The following UHRF1 variants were observed in gnomAD, a reference collection of about 807,000 sequenced individuals.
UHRF1 encodes the protein ubiquitin like with PHD and ring finger domains 1, also known as E3 ubiquitin-protein ligase UHRF1.
A neutral mutation model predicts 96.5 loss-of-function variants in UHRF1; 9 were observed. That is an observed-to-expected ratio of 0.09 (90% CI 0.06 to 0.16). The LOEUF (loss-of-function observed/expected upper bound fraction) is 0.16, where lower values mean the gene tolerates loss of function less well. Among genes scored for constraint, UHRF1 ranks in the 10% least tolerant of loss-of-function variants. UHRF1 has a pLI of 1.00. For missense variants in UHRF1, 626 were observed against 1,131.1 expected, an observed-to-expected ratio of 0.55 and a Z score of 6.40; for synonymous variants, 455 against 469.9, an observed-to-expected ratio of 0.97 and a Z score of 0.41.
chr19:4,941,544 G>A lies in UHRF1; in HGVS notation c.802G>A (p.Asp268Asn), dbSNP rs1172511762. The change falls in exon 6 of 17, where the codon GAC becomes AAC. Residue 268 changes from aspartate to asparagine, a missense_variant. This residue lies in a region of UHRF1 where 198 missense variants were observed against 235.1 expected (regional missense o/e 0.84). Transcript: ENST00000650932. ...TCCTTGCAGGGATGATTCTCTGAACGACTGTCGGATCATCTTCGTGGACGA... is the reference window on the plus strand; with the variant it reads ...TCCTTGCAGGGATGATTCTCTGAACAACTGTCGGATCATCTTCGTGGACGA... ...NVVLGDDSLN[D>N]CRIIFVDEVF... The A allele has an allele frequency of 1.2e-6, 2 of 1,613,386 alleles. No individual in the cohort carries two copies. Among genetic ancestry groups the A allele is most frequent in the South Asian group, 1.1e-5 (1 of 90,926 alleles).
At chr19:4,920,378 G>C (rs1421491790) in intron 2 of UHRF1, among the ~76,000 whole-genome samples, 1 of 152,068 alleles carries the variant, frequency 6.6e-6, no homozygotes, top group African/African-American at 2.4e-5. Flanking sequence ...GTTGCAGTGA[G>C]CTGAGATTGC....
In UHRF1 at chr19:4,954,806, C is replaced by T. The variant is rs1436024612; in HGVS notation, c.2114C>T (p.Pro705Leu). 1.2e-5 allele frequency: 19 copies of T among 1,613,526 alleles called. No homozygotes were observed. Among genetic ancestry groups the T allele is most frequent in the Non-Finnish European group, 1.4e-5 (16 of 1,179,770 alleles). Residue 705 changes from proline to leucine, a missense_variant, in exon 15 of 17, where the codon CCG (proline) becomes CTG (leucine). By Grantham distance (98) the Pro-to-Leu change is moderately conservative. This residue lies in a region of UHRF1 where 84 missense variants were observed against 150.3 expected (regional missense o/e 0.56). Coordinates refer to ENST00000650932, the MANE Select transcript of UHRF1 (RefSeq NM_001048201.3). This position sits in a 1 kb window ranked among gnomAD's most constrained non-coding sequence, Gnocchi z 5.9. Reference sequence around the variant, plus strand: ...GTCCTGGCGTCACTCAAGGACCGGCCGGCGAGCGGCAGCCCGGTAGGCTCG... The same window carrying T: ...GTCCTGGCGTCACTCAAGGACCGGCTGGCGAGCGGCAGCCCGGTAGGCTCG... Reference protein sequence around the residue: ...NEVLASLKDRPASGSPFQLFL... With the variant: ...NEVLASLKDRLASGSPFQLFL...
upstream of UHRF1, among the ~76,000 whole-genome samples, chr19:4,908,967 A>T (rs1372945709): frequency 6.6e-6 from 1 of 152,096 alleles, no homozygotes; most frequent in Non-Finnish European, 1.5e-5. Flanking sequence ...AAGGCGGGAA[A>T]ACGAGGCGGG....
At chr19:4,921,620 A>G (rs888660778) in intron 2 of UHRF1, among the ~76,000 whole-genome samples, 2 of 151,840 alleles carry the variant, frequency 1.3e-5, no homozygotes, top group Non-Finnish European at 2.9e-5. Flanking sequence ...TCTGGACGTG[A>G]TGGCCCATGC....
chr19:4,917,642 G>C (rs1212648530), intron 2 of UHRF1, among the ~76,000 whole-genome samples: 1 of 114,730 alleles, frequency 8.7e-6, no homozygotes, highest in Non-Finnish European at 1.6e-5. Context: ...AACAGAGCGA[G>C]ACTCCGTCTC....
chr19:4,958,011 C>A (rs1411273756), intron 16 of UHRF1, among the ~76,000 whole-genome samples: 1 of 152,260 alleles, frequency 6.6e-6, no homozygotes, highest in East Asian at 1.9e-4. Context: ...GCAGTCCTCT[C>A]AGCCATGGGC....
intron 5 of UHRF1, among the ~76,000 whole-genome samples, chr19:4,939,646 GT>G (rs2146353745): frequency 6.6e-6 from 1 of 152,242 alleles, no homozygotes; most frequent in Non-Finnish European, 1.5e-5. Context: ...AGGTCAGTGT[GT>G]TCCCACACTG....
chr19:4,959,238 G>A (rs1382854875), intron 16 of UHRF1, among the ~76,000 whole-genome samples: 2 of 150,440 alleles, frequency 1.3e-5, no homozygotes, highest in African/African-American at 2.4e-5. Flanking sequence ...GCTGAGACAC[G>A]AGAATCCCTT....
chr19:4,948,715 C>T (rs1313762313), intron 11 of UHRF1, among the ~76,000 whole-genome samples: 1 of 151,780 alleles, frequency 6.6e-6, no homozygotes, highest in Non-Finnish European at 1.5e-5. Flanking sequence ...GGCAGAATTG[C>T]TTGAACCCAG....
chr19:4,935,563 T>A (rs1175929042), intron 5 of UHRF1, among the ~76,000 whole-genome samples: 1 of 151,874 alleles, frequency 6.6e-6, no homozygotes, highest in Non-Finnish European at 1.5e-5. Flanking sequence ...TTTTTTAACT[T>A]GGTTCTTGGA....
At chr19:4,915,619 G>A (rs1373176372) in intron 2 of UHRF1, among the ~76,000 whole-genome samples, 1 of 152,020 alleles carries the variant, frequency 6.6e-6, no homozygotes, top group African/African-American at 2.4e-5. Flanking sequence ...TGAGGCAGGA[G>A]AATCGCTTGA....
At chr19:4,924,888 G>A (rs529641550) in intron 2 of UHRF1, among the ~76,000 whole-genome samples, 3 of 150,746 alleles carry the variant, frequency 2.0e-5, no homozygotes, top group Admixed American at 6.6e-5. Flanking sequence ...ATGTAGTGGC[G>A]TGATCTCGGC....
upstream of UHRF1, among the ~76,000 whole-genome samples, chr19:4,905,348 T>C (rs1047128032): frequency 6.6e-6 from 1 of 151,376 alleles, no homozygotes; most frequent in African/African-American, 2.4e-5. Flanking sequence ...CTCCATCTCC[T>C]GACCTCGTGA....
chr19:4,929,149 T>C, intron 2 of UHRF1, 73 bp from the exon 3 acceptor site: 1 of 1,548,494 alleles, frequency 6.5e-7, no homozygotes, highest in Admixed American at 1.8e-5. Context: ...AGTGTTTGGT[T>C]CATCACTGGT....
At chr19:4,956,905 C>T in intron 16 of UHRF1, 92 bp downstream of exon 16, 2 of 920,670 alleles carry the variant, frequency 2.2e-6, no homozygotes, top group Non-Finnish European at 3.5e-6. Flanking sequence ...CAGACAGAGG[C>T]TTGTTGGCTT....
upstream of UHRF1, among the ~76,000 whole-genome samples, chr19:4,906,242 G>T (rs2032061864): frequency 6.6e-6 from 1 of 152,174 alleles, no homozygotes; most frequent in South Asian, 2.1e-4. Flanking sequence ...GCCTCTCAAA[G>T]TGCTGGGATT....
rs188909908 is a variant in UHRF1, at chr19:4,943,737, G to C, written c.1074-395G>C. On this transcript the variant is annotated intron_variant, in intron 7 of 16. Coordinates refer to ENST00000650932, the MANE Select transcript of UHRF1 (RefSeq NM_001048201.3). ...GCAACCTCGGCTCACTGCAACCTCT[G>C]CCTCCTGGTTTCAAGCGATTCTCCT... 4.1e-3 allele frequency among the ~76,000 whole-genome samples: 623 copies of C among 151,990 alleles called. 3 individuals carry two copies. Among genetic ancestry groups the C allele is most frequent in the South Asian group, 0.012 (57 of 4,820 alleles).
chr19:4,958,697 C>T (rs1263890840), intron 16 of UHRF1, among the ~76,000 whole-genome samples: 2 of 152,102 alleles, frequency 1.3e-5, no homozygotes, highest in African/African-American at 2.4e-5. Flanking sequence ...TGAGGCCAGC[C>T]GTGGTGGCTA....
At chr19:4,951,038 G>A (rs371484636) in intron 13 of UHRF1, 42 bp downstream of exon 13, 35 of 1,540,214 alleles carry the variant, frequency 2.3e-5, no homozygotes, top group Middle Eastern at 2.4e-4. Context: ...AGGCCAAGGC[G>A]GATGGATCAC....
Sources: gnomAD v4.1 joint callset for allele counts (sites outside exome capture counted in the v4.1 genomes callset) on GRCh38, gnomAD v4.1.1 for gene constraint, gnomAD v4.1.1 regional missense constraint, Gnocchi (gnomAD v3.1) non-coding constraint, MANE v1.5 for transcripts, NCBI Gene and HGNC (gene_info 2026-07-23, HGNC 2026-07-21) for gene names.